WWP1: variants seen among roughly 807,000 people sequenced by gnomAD.
WWP1 encodes NEDD4-like E3 ubiquitin-protein ligase WWP1.
WWP1 carries 49 observed loss-of-function variants against 130.6 expected under a neutral mutation model. The observed-to-expected ratio is 0.38, with a 90% CI of 0.30 to 0.48. The LOEUF (loss-of-function observed/expected upper bound fraction) is 0.48. WWP1 is among the 20% of genes least tolerant of loss of function. WWP1 has a pLI of 0.99. For synonymous variants in WWP1, 332 were observed against 367.8 expected, an observed-to-expected ratio of 0.90 and a Z score of 1.11; for missense variants, 809 against 1,100.6, an observed-to-expected ratio of 0.74 and a Z score of 3.75.
intron 4 of WWP1, among the ~76,000 whole-genome samples, chr8:86,381,172 G>C (rs374581903): frequency 1.3e-5 from 2 of 152,110 alleles, no homozygotes; most frequent in Non-Finnish European, 2.9e-5. Context: ...GCATAAATTT[G>C]TGTATAGTAA....
chr8:86,425,368 G>C (rs752584705), intron 10 of WWP1, 50 bp downstream of exon 10: 1 of 1,454,534 alleles, frequency 6.9e-7, no homozygotes, highest in South Asian at 1.2e-5. Context: ...TCACACATGT[G>C]GTTTTTAAAT....
At chr8:86,380,329 G>A (rs914308869) in intron 3 of WWP1, among the ~76,000 whole-genome samples, 1 of 152,056 alleles carries the variant, frequency 6.6e-6, no homozygotes, top group African/African-American at 2.4e-5. Context: ...GAGTAGGTTA[G>A]TGGCTGCCTA....
intron 4 of WWP1, 66 bp downstream of exon 4, chr8:86,380,930 T>C: frequency 6.9e-7 from 1 of 1,456,260 alleles, no homozygotes. Flanking sequence ...ATATGTTTTT[T>C]GTTTTGTAAA....
chr8:86,377,469 G>A (rs1824729849), intron 3 of WWP1, among the ~76,000 whole-genome samples: 1 of 151,566 alleles, frequency 6.6e-6, no homozygotes. Context: ...GCTGTTTATT[G>A]TCTGTAAACC....
intron 5 of WWP1, among the ~76,000 whole-genome samples, chr8:86,395,088 C>T (rs2130464158): frequency 6.6e-6 from 1 of 152,262 alleles, no homozygotes; most frequent in African/African-American, 2.4e-5. Flanking sequence ...GCTTGAACTC[C>T]TCTAGTCTAC....
chr8:86,418,979 TTTAA>T (rs1336252597), intron 9 of WWP1, among the ~76,000 whole-genome samples: 2 of 152,194 alleles, frequency 1.3e-5, no homozygotes, highest in African/African-American at 4.8e-5. Context: ...ATTATCACTC[TTTAA>T]TTAATCCACA....
At chr8:86,437,961 G>C (rs1272394337) in intron 16 of WWP1, among the ~76,000 whole-genome samples, 1 of 152,002 alleles carries the variant, frequency 6.6e-6, no homozygotes, top group Non-Finnish European at 1.5e-5. Flanking sequence ...CACCACGCCT[G>C]GCTAACTTTT....
intron 1 of WWP1, among the ~76,000 whole-genome samples, chr8:86,366,254 G>A (rs889098742): frequency 1.3e-5 from 2 of 152,186 alleles, no homozygotes; most frequent in Non-Finnish European, 2.9e-5. Context: ...TGAATGGAAT[G>A]GAGATCAGCA....
At chr8:86,440,893 TC>T (rs1187263301) in intron 17 of WWP1, among the ~76,000 whole-genome samples, 1 of 152,230 alleles carries the variant, frequency 6.6e-6, no homozygotes. Context: ...ATGTGATTTT[TC>T]TTCATTAGTG....
intron 5 of WWP1, among the ~76,000 whole-genome samples, chr8:86,394,656 T>C (rs779438301): frequency 1.6e-4 from 24 of 152,194 alleles, no homozygotes; most frequent in Non-Finnish European, 2.9e-4. Context: ...AAATATTGAA[T>C]GGATAAATAC....
chr8:86,403,216 A>G (rs975751492), intron 8 of WWP1, among the ~76,000 whole-genome samples: 7 of 152,192 alleles, frequency 4.6e-5, no homozygotes, highest in African/African-American at 1.4e-4. Flanking sequence ...GTGTTTGTCT[A>G]TTTATGGAAG....
intron 5 of WWP1, among the ~76,000 whole-genome samples, chr8:86,382,155 A>T (rs1563482526): frequency 6.6e-6 from 1 of 152,182 alleles, no homozygotes; most frequent in Non-Finnish European, 1.5e-5. Context: ...AGACACAAAC[A>T]TATTTCTTTT....
At chr8:86,410,316 T>C (rs1586384708) in intron 8 of WWP1, among the ~76,000 whole-genome samples, 1 of 152,336 alleles carries the variant, frequency 6.6e-6, no homozygotes, top group East Asian at 1.9e-4. Context: ...GGAGGGATGA[T>C]ATTAGAACTT....
At chr8:86,427,398 T>TA (rs369996949) in intron 10 of WWP1, among the ~76,000 whole-genome samples, 2,084 of 145,546 alleles carry the variant, frequency 0.014, 46 homozygotes, top group African/African-American at 0.049. Flanking sequence ...AAAGTAAAAT[T>TA]AAAAAAAAAA....
chr8:86,431,893 C>G (rs576231155), intron 14 of WWP1, 150 bp downstream of exon 14: 1 of 983,896 alleles, frequency 1.0e-6, no homozygotes, highest in African/African-American at 1.6e-5. Context: ...TGTCTTTGCT[C>G]TCATTTGACA....
chr8:86,346,706 G>C (rs1822605265), intron 1 of WWP1, among the ~76,000 whole-genome samples: 1 of 152,008 alleles, frequency 6.6e-6, no homozygotes, highest in Admixed American at 6.6e-5. Context: ...TAGAAAGACT[G>C]TTGTTTTTTA....
At chr8:86,425,926 T>A (rs1336259218) in intron 10 of WWP1, among the ~76,000 whole-genome samples, 1 of 152,204 alleles carries the variant, frequency 6.6e-6, no homozygotes, top group Admixed American at 6.5e-5. Flanking sequence ...AATTGTACTG[T>A]TTGCATTCAT....
At position 86,418,118 on chromosome 8, in the gene WWP1, CTT is replaced by C. The variant is rs557324399; in HGVS notation, c.1061+6245_1061+6246del. Among the ~76,000 whole-genome samples, 8 of 152,090 alleles carry C rather than the reference CTT, an allele frequency of 5.3e-5. No homozygotes were observed. The South Asian group carries it at 1.5e-3, about 28-fold the overall frequency. ...TTTTTCAGTTGCTTTTAAAAAAAAA[CTT>C]AGTCATATTTCCACATCAGTACAAG... On this transcript the variant is annotated intron_variant, in intron 9 of 24. Coordinates refer to ENST00000517970, the MANE Select transcript of WWP1 (RefSeq NM_007013.4).
At chr8:86,422,393 T>C (rs1809279697) in intron 9 of WWP1, among the ~76,000 whole-genome samples, 2 of 151,684 alleles carry the variant, frequency 1.3e-5, no homozygotes, top group Non-Finnish European at 2.9e-5. Context: ...GACAGAGTCT[T>C]GCCCTGTCAC....
Sources: gnomAD v4.1 joint callset for allele counts (sites outside exome capture counted in the v4.1 genomes callset) on GRCh38, gnomAD v4.1.1 for gene constraint, MANE v1.5 for transcripts, NCBI Gene and HGNC (gene_info 2026-07-23, HGNC 2026-07-21) for gene names.